TRIB3: variants seen among roughly 807,000 people sequenced by gnomAD.
The protein encoded by TRIB3 is tribbles pseudokinase 3.
Under a neutral mutation model 16.6 loss-of-function variants are expected in TRIB3, and 20 were observed. That is an observed-to-expected ratio of 1.20 (90% CI 0.85 to 1.75). The LOEUF (loss-of-function observed/expected upper bound fraction) is 1.75, where lower values mean the gene tolerates loss of function less well. Among genes scored for constraint, TRIB3 ranks in the 40% most tolerant of loss-of-function variants. The pLI, the probability that TRIB3 is intolerant of heterozygous loss-of-function variation, is 0.00. For synonymous variants in TRIB3, 208 were observed against 217.0 expected (o/e 0.96, Z 0.36); for missense variants, 484 against 488.9 (o/e 0.99, Z 0.10).
chr20:383,330 T>C (rs2014711886), intron 1 of TRIB3, among the ~76,000 whole-genome samples: 1 of 152,264 alleles, frequency 6.6e-6, no homozygotes, highest in Non-Finnish European at 1.5e-5. Context: ...TCAAAAGGGC[T>C]GCAGGAATAA....
intron 1 of TRIB3, chr20:382,519 C>A: frequency 6.5e-7 from 1 of 1,535,422 alleles, no homozygotes; most frequent in Non-Finnish European, 8.7e-7. Context: ...AGCCTCGAAC[C>A]TGGGGAGCTT....
chr20:389,803 C>T (rs1157683853), intron 2 of TRIB3, among the ~76,000 whole-genome samples: 1 of 152,218 alleles, frequency 6.6e-6, no homozygotes, highest in Non-Finnish European at 1.5e-5. Context: ...CCAATGTGCA[C>T]CATGGGTGCT....
At chr20:384,416 T>G (rs185339629) in intron 1 of TRIB3, among the ~76,000 whole-genome samples, 61 of 152,222 alleles carry the variant, frequency 4.0e-4, no homozygotes, top group African/African-American at 1.3e-3. Context: ...CAGGCTGGAG[T>G]GCAGTGGCGA....
chr20:390,043 G>A (rs2014930273), intron 2 of TRIB3, among the ~76,000 whole-genome samples: 1 of 152,128 alleles, frequency 6.6e-6, no homozygotes, highest in African/African-American at 2.4e-5. Context: ...TACGTGTCAG[G>A]TGGCCGGGCG....
In TRIB3 at chr20:381,024, C is replaced by T. The variant is rs55899966; in HGVS notation, c.-146C>T. The stretch of plus-strand genomic sequence containing the variant: ...CAGCGGAAGTGGAGGCGGCTCCGCG[C>T]GCGTCCGCTGCTAGGACCCGGGCAG... On this transcript the variant is annotated 5_prime_UTR_variant, in exon 1 of 4. Transcript: ENST00000217233. 0.059 allele frequency: 8,808 copies of T among 148,616 alleles called. 366 individuals are homozygous for T. Among genetic ancestry groups the T allele is most frequent in the Non-Finnish European group, 0.088 (5,827 of 66,158 alleles). 9.2% of individuals were successfully genotyped at this position (148,616 alleles called of 1,614,324 possible).
In TRIB3 at chr20:396,654, AGAG is replaced by A. The variant is rs2015140029; in HGVS notation, c.1046_1048del (p.Glu349del). On this transcript the variant is annotated inframe_deletion, in exon 4 of 4. Transcript: ENST00000217233. ...GACTGGGGCTGGACGAAGCCAGGGA[AGAG>A]GAGGGAGACAGAGAAGTGGTTCTGT... 1.9e-6 allele frequency: 3 copies of A among 1,612,486 alleles called. No individual in the cohort carries two copies. Among genetic ancestry groups the A allele is most frequent in the Admixed American group, 1.7e-5 (1 of 59,980 alleles).
Position 391,306 on chromosome 20 carries a change from C to T in TRIB3, c.311C>T (p.Ala104Val). Residue 104 changes from alanine (A) to valine (V), a missense_variant, in exon 3 of 4, where the codon GCC becomes GTC. Physicochemically the swap from Ala to Val is moderately conservative, Grantham distance 64. Coordinates refer to ENST00000217233, the MANE Select transcript of TRIB3 (RefSeq NM_021158.5). ...YTCKVYPVQE[A>V]LAVLEPYARL... ...CCACAGGTGTACCCCGTCCAGGAAG[C>T]CCTGGCCGTGCTGGAGCCCTATGCG... is the stretch of plus-strand genomic sequence containing the variant. 1 of 1,612,582 alleles carries T rather than the reference C, an allele frequency of 6.2e-7. No homozygotes were observed. Among genetic ancestry groups the T allele is most frequent in the Non-Finnish European group, 8.5e-7 (1 of 1,179,978 alleles).
chr20:384,351 T>C (rs758001909), intron 1 of TRIB3, among the ~76,000 whole-genome samples: 4 of 150,444 alleles, frequency 2.7e-5, no homozygotes, highest in Admixed American at 6.6e-5. Context: ...TAAAATGAAA[T>C]AGACGTTTTT....
At chr20:382,181 C>T (rs185096517) in intron 1 of TRIB3, among the ~76,000 whole-genome samples, 1 of 152,182 alleles carries the variant, frequency 6.6e-6, no homozygotes, top group African/African-American at 2.4e-5. Context: ...CCCTGGGTCC[C>T]GAGTGTGGCA....
At chr20:387,191 G>C (rs1481195483) in intron 1 of TRIB3, among the ~76,000 whole-genome samples, 1 of 152,020 alleles carries the variant, frequency 6.6e-6, no homozygotes, top group Non-Finnish European at 1.5e-5. Context: ...AGGCAATGTA[G>C]GGAGACCCCC....
chr20:394,542 C>T (rs771736351), intron 3 of TRIB3, among the ~76,000 whole-genome samples: 4 of 152,060 alleles, frequency 2.6e-5, no homozygotes, highest in African/African-American at 9.7e-5. Flanking sequence ...CCCAGTGCTT[C>T]GGGAAGCCAA....
rs574436000 is a variant in TRIB3, at chr20:382,138, C to T, written c.-1+969C>T. On this transcript the variant is annotated intron_variant, in intron 1 of 3. Coordinates refer to ENST00000217233, the MANE Select transcript of TRIB3 (RefSeq NM_021158.5). ...GTGTGTGTGTGTGTGCGTGCGCGCG[C>T]GCGCTTGCGCTTGATGTAACCCGCC... is the stretch of plus-strand genomic sequence containing the variant. 4.3e-3 allele frequency among the ~76,000 whole-genome samples: 643 copies of T among 150,696 alleles called. 4 individuals carry two copies. Among genetic ancestry groups the T allele is most frequent in the African/African-American group, 0.014 (566 of 41,432 alleles).
Position 388,072 on chromosome 20 carries a change from TG to T in TRIB3, c.64del (p.Asp22MetfsTer4). The T allele has an allele frequency of 6.2e-7, 1 of 1,614,120 alleles. No individual in the cohort carries two copies. The highest frequency in any genetic ancestry group is 8.5e-7 in the Non-Finnish European group (1 of 1,180,028). ...CTGTCCAGGAAGAAGCGGTTGGAGT[TG>T]GATGACAACTTAGATACCGAGCGTC... ...GSLSRKKRLE[L>X]DDNLDTERPV... On this transcript the variant is annotated frameshift_variant, in exon 2 of 4. Transcript: ENST00000217233. LOFTEE classifies it high-confidence loss of function.
Position 391,355 on chromosome 20 carries a change from G to C in TRIB3, c.360G>C (p.Val120=), listed in dbSNP as rs1178389118. The part of the protein sequence containing the change: ...PYARLPPHKH[V]ARPTEVLAGT... ...CGCGGCTGCCCCCGCACAAGCATGTGGCTCGGCCCACTGAGGTCCTGGCTG... is the reference window on the plus strand; with the variant it reads ...CGCGGCTGCCCCCGCACAAGCATGTCGCTCGGCCCACTGAGGTCCTGGCTG... The change falls in exon 3 of 4, where the codon GTG becomes GTC. Residue 120 remains valine, a synonymous_variant. Coordinates refer to ENST00000217233, the MANE Select transcript of TRIB3 (RefSeq NM_021158.5). 4 of 1,613,354 alleles carry C rather than the reference G, an allele frequency of 2.5e-6. No homozygotes were observed. Among genetic ancestry groups the C allele is most frequent in the Non-Finnish European group, 3.4e-6 (4 of 1,180,028 alleles).
rs1362680693 is a variant in TRIB3 at position 391,363 on chromosome 20, C to T, written c.368C>T (p.Pro123Leu). ...CCCCCGCACAAGCATGTGGCTCGGC[C>T]CACTGAGGTCCTGGCTGGTACCCAG... The part of the protein sequence containing the change: ...RLPPHKHVAR[P>L]TEVLAGTQLL... Residue 123 changes from proline to leucine, a missense_variant, in exon 3 of 4, where the codon CCC becomes CTC. By Grantham distance (98) the Pro-to-Leu change is moderately conservative (BLOSUM62 -3). Transcript: ENST00000217233. 3 of 1,613,466 alleles carry T rather than the reference C, an allele frequency of 1.9e-6. No individual in the cohort carries two copies. Among genetic ancestry groups the T allele is most frequent in the East Asian group, 4.5e-5 (2 of 44,888 alleles).
intron 1 of TRIB3, chr20:381,539 G>A (rs1235354063): frequency 6.6e-6 from 1 of 151,948 alleles, no homozygotes; most frequent in African/African-American, 2.4e-5. Flanking sequence ...TGCGGTGAGG[G>A]GCTTGTGGGG....
At chr20:382,449 A>G in intron 1 of TRIB3, 1 of 1,330,152 alleles carries the variant, frequency 7.5e-7, no homozygotes, top group Non-Finnish European at 1.0e-6. Context: ...AAGCATGTGC[A>G]CAGCCAGGTA....
At position 391,528 on chromosome 20, in the gene TRIB3, T is replaced by C. The variant is rs140478143; in HGVS notation, c.533T>C (p.Leu178Pro). Residue 178 changes from leucine (L) to proline (P), a missense_variant, in exon 3 of 4, where the codon CTG becomes CCG. Leu to Pro is a moderately conservative substitution (Grantham distance 98). Coordinates refer to ENST00000217233, the MANE Select transcript of TRIB3 (RefSeq NM_021158.5). ...TALAHCHQHG[L>P]VLRDLKLCRF... ...CTGGCGCACTGTCACCAGCACGGTC[T>C]GGTCCTGCGTGATCTCAAGCTGTGT... The C allele has an allele frequency of 6.4e-5, 104 of 1,613,470 alleles. 3 individuals are homozygous for C. The Middle Eastern group carries it at 2.3e-3, about 36-fold the overall frequency.
chr20:390,312 G>C (rs145682999), intron 2 of TRIB3, among the ~76,000 whole-genome samples: 14 of 151,702 alleles, frequency 9.2e-5, no homozygotes, highest in African/African-American at 3.4e-4. Context: ...TGGGCAACAA[G>C]AGCAAAACTC....
Sources: gnomAD v4.1 joint callset for allele counts (sites outside exome capture counted in the v4.1 genomes callset) on GRCh38, gnomAD v4.1.1 for gene constraint, MANE v1.5 for transcripts, NCBI Gene and HGNC (gene_info 2026-07-23, HGNC 2026-07-21) for gene names.